AGAP3: variants seen among roughly 807,000 people sequenced by gnomAD.
The protein encoded by AGAP3 is ArfGAP with GTPase domain, ankyrin repeat and PH domain 3.
In AGAP3, 24 loss-of-function variants were observed where a neutral mutation model predicts 96.9. That is an observed-to-expected ratio of 0.25 (90% CI 0.18 to 0.35). AGAP3 has a LOEUF of 0.35. AGAP3 is among the 10% of genes least tolerant of loss of function. The probability of loss-of-function intolerance (pLI) is 1.00; values close to 1 mark genes in which losing one functional copy is unlikely to be tolerated. For missense variants in AGAP3, 876 were observed against 1,254.2 expected (o/e 0.70, Z 4.55); for synonymous variants, 563 against 536.1 (o/e 1.05, Z -0.69).
intron 1 of AGAP3, among the ~76,000 whole-genome samples, chr7:151,112,800 C>CA (rs1172403560): frequency 6.6e-6 from 1 of 152,110 alleles, no homozygotes; most frequent in Non-Finnish European, 1.5e-5. Context: ...CGGGGTTTCA[C>CA]CATGTTGCCC....
At chr7:151,087,173 G>A (rs543963076) in intron 1 of AGAP3, 101 bp downstream of exon 1, 31,769 of 1,316,734 alleles carry the variant, frequency 0.024, 494 homozygotes, top group Non-Finnish European at 0.03. Flanking sequence ...CCCTGTCGGG[G>A]GTCCTTGCGC....
Position 151,143,269 on chromosome 7 carries a change from C to A in AGAP3, c.2274-72C>A. 6.6e-7 allele frequency: 1 copy of A among 1,525,808 alleles called. No individual in the cohort carries two copies. The highest frequency in any genetic ancestry group is 1.3e-5 in the South Asian group (1 of 77,172). The allele number at this position is 1,525,808 out of a possible 1,614,324, so 94.5% of individuals were successfully genotyped here. On this transcript the variant is annotated intron_variant, in intron 16 of 17. Transcript: ENST00000397238. This position sits in a 1 kb window ranked among gnomAD's most constrained non-coding sequence, Gnocchi z 5.9. ...CCCCGGGTGCTCGCTTCCTTTCCTG[C>A]CCACCTTCCTGGCCCCACCCGTTGC... is the stretch of plus-strand genomic sequence containing the variant.
rs1288662509 is a variant in AGAP3, at chr7:151,096,239, A to G, written c.331+9167A>G. Among the ~76,000 whole-genome samples, 1 of 152,212 alleles carries G rather than the reference A, an allele frequency of 6.6e-6. No individual in the cohort carries two copies. Among genetic ancestry groups the G allele is most frequent in the Non-Finnish European group, 1.5e-5 (1 of 68,040 alleles). The stretch of plus-strand genomic sequence containing the variant: ...TGAGGTGAGGGCTGCATGAGATCAC[A>G]GGAATGACCATTTCCGGACCCGAGC... On this transcript the variant is annotated intron_variant, in intron 1 of 17. Coordinates refer to ENST00000397238, the MANE Select transcript of AGAP3 (RefSeq NM_031946.7). The surrounding 1 kb of genome is among the most constrained non-coding windows in gnomAD (Gnocchi z 4.4).
chr7:151,142,975 GC>G lies in AGAP3; in HGVS notation c.2273+346del, dbSNP rs1800879452. On this transcript the variant is annotated intron_variant, in intron 16 of 17. Transcript: ENST00000397238. This position sits in a 1 kb window ranked among gnomAD's most constrained non-coding sequence, Gnocchi z 7.5. ...GGGAGTGTGTGGCCCCCCAGTGCAG[GC>G]CCCCACCCGCTTTGTTCCAGCACTG... 6.6e-6 allele frequency among the ~76,000 whole-genome samples: 1 copy of G among 152,124 alleles called. No individual in the cohort carries two copies. The highest frequency in any genetic ancestry group is 2.4e-5 in the African/African-American group (1 of 41,426).
chr7:151,131,443 G>C lies in AGAP3; in HGVS notation c.1326+2759G>C, dbSNP rs143648199. On this transcript the variant is annotated intron_variant, in intron 10 of 17. Coordinates refer to ENST00000397238, the MANE Select transcript of AGAP3 (RefSeq NM_031946.7). ...GAGGCTGGGGAAGAAATTGCTGTTTGATGGTGGGTAATAAAGGCAGCCGTG... is the reference window on the plus strand; with the variant it reads ...GAGGCTGGGGAAGAAATTGCTGTTTCATGGTGGGTAATAAAGGCAGCCGTG... 9.3e-3 allele frequency among the ~76,000 whole-genome samples: 1,421 copies of C among 152,304 alleles called. 13 individuals carry two copies. Among genetic ancestry groups the C allele is most frequent in the Middle Eastern group, 0.014 (4 of 294 alleles).
chr7:151,121,569 C>T (rs1799893686), intron 8 of AGAP3, among the ~76,000 whole-genome samples: 1 of 152,080 alleles, frequency 6.6e-6, no homozygotes, highest in Non-Finnish European at 1.5e-5. Context: ...GCTACCCTCT[C>T]CTCCGCCCAC....
intron 8 of AGAP3, among the ~76,000 whole-genome samples, chr7:151,121,509 T>C (rs930413434): frequency 6.6e-6 from 1 of 152,050 alleles, no homozygotes; most frequent in Admixed American, 6.5e-5. Flanking sequence ...CTTCCCCTCG[T>C]TGGCAAGCTC....
intron 9 of AGAP3, among the ~76,000 whole-genome samples, chr7:151,126,463 A>C (rs1247029152): frequency 1.3e-4 from 13 of 102,326 alleles, no homozygotes; most frequent in Admixed American, 2.1e-4. Context: ...AGGCTGGGAG[A>C]GGGAAGCACG....
chr7:151,128,958 G>A (rs1451429959), intron 10 of AGAP3, among the ~76,000 whole-genome samples: 1 of 152,212 alleles, frequency 6.6e-6, no homozygotes, highest in Non-Finnish European at 1.5e-5. Context: ...AGAATTTCTG[G>A]TCAGGGATGC....
In AGAP3 at chr7:151,096,417, T is replaced by C. The variant is rs1270055520; in HGVS notation, c.331+9345T>C. On this transcript the variant is annotated intron_variant, in intron 1 of 17. Transcript: ENST00000397238. The surrounding 1 kb of genome is among the most constrained non-coding windows in gnomAD (Gnocchi z 4.4). ...ATGTTTTGCCTGTTGTTTTTTTCTC[T>C]GATTCAGCACTGTGCAGTAGACATG... Among the ~76,000 whole-genome samples the C allele has an allele frequency of 2.6e-5, 4 of 152,112 alleles. No homozygotes were observed. The highest frequency in any genetic ancestry group is 4.4e-5 in the Non-Finnish European group (3 of 68,032).
At chr7:151,129,940 C>T (rs1341626567) in intron 10 of AGAP3, among the ~76,000 whole-genome samples, 1 of 152,222 alleles carries the variant, frequency 6.6e-6, no homozygotes, top group Non-Finnish European at 1.5e-5. Flanking sequence ...CTTTCAGGGC[C>T]ACTCACAGAC....
chr7:151,118,591 G>C lies in AGAP3; in HGVS notation c.928G>C (p.Ala310Pro). 6.2e-7 allele frequency: 1 copy of C among 1,613,960 alleles called. No individual in the cohort carries two copies. The highest frequency in any genetic ancestry group is 8.5e-7 in the Non-Finnish European group (1 of 1,180,030). The stretch of plus-strand genomic sequence containing the variant: ...ACTGCCCAACTCGCCCAGCCACTCG[G>C]CCGTGTCCGCCGCCTCCATCCCGGC... ...KSLPNSPSHS[A>P]VSAASIPAVH... The change falls in exon 7 of 18, where the codon GCC becomes CCC. Residue 310 changes from alanine (A) to proline (P), a missense_variant. Ala to Pro is a conservative substitution (Grantham distance 27, BLOSUM62 -1). Coordinates refer to ENST00000397238, the MANE Select transcript of AGAP3 (RefSeq NM_031946.7). This position sits in a 1 kb window ranked among gnomAD's most constrained non-coding sequence, Gnocchi z 6.1.
At chr7:151,121,290 C>T (rs1322547648) in intron 8 of AGAP3, among the ~76,000 whole-genome samples, 1 of 152,172 alleles carries the variant, frequency 6.6e-6, no homozygotes, top group Non-Finnish European at 1.5e-5. Flanking sequence ...CTGACCCTGC[C>T]TAAATGTGCA....
At chr7:151,098,399 CACATGGG>C (rs1563429907) in intron 1 of AGAP3, among the ~76,000 whole-genome samples, 1 of 151,940 alleles carries the variant, frequency 6.6e-6, no homozygotes, top group Non-Finnish European at 1.5e-5. Flanking sequence ...ACAAAGATAA[CACATGGG>C]ACTGGGTGCC....
chr7:151,115,649 G>T, intron 1 of AGAP3: 1 of 1,165,236 alleles, frequency 8.6e-7, no homozygotes, highest in Non-Finnish European at 1.1e-6. Context: ...GCGGTAAGGG[G>T]GCGGGCCTGG....
At chr7:151,122,439 C>T (rs1799943846) in intron 8 of AGAP3, among the ~76,000 whole-genome samples, 1 of 152,154 alleles carries the variant, frequency 6.6e-6, no homozygotes, top group Non-Finnish European at 1.5e-5. Context: ...TGCCGAGTGG[C>T]GAACATACCA....
intron 1 of AGAP3, among the ~76,000 whole-genome samples, chr7:151,104,511 A>C (rs1182036160): frequency 6.6e-6 from 1 of 152,238 alleles, no homozygotes; most frequent in African/African-American, 2.4e-5. Flanking sequence ...TAGGATCAAG[A>C]CAAATGAAAG....
chr7:151,098,153 G>A (rs1236218259), intron 1 of AGAP3, among the ~76,000 whole-genome samples: 1 of 151,952 alleles, frequency 6.6e-6, no homozygotes, highest in African/African-American at 2.4e-5. Flanking sequence ...GAGGTCAGGA[G>A]TTCAAGACCA....
chr7:151,128,663 C>A lies in AGAP3; in HGVS notation c.1305C>A (p.Leu435=). Residue 435 remains leucine (L), a synonymous_variant, in exon 10 of 18, where the codon CTC becomes CTA. Transcript: ENST00000397238. ...TGACGCTCTGTGACAACGGGCTGCT[C>A]ACCTATCACCCCAGCCTGCATGTGA... ...KYVTLCDNGL[L]TYHPSLHDYM... is the part of the protein sequence containing the mutation. 6.2e-7 allele frequency: 1 copy of A among 1,613,754 alleles called. No homozygotes were observed. Among genetic ancestry groups the A allele is most frequent in the Non-Finnish European group, 8.5e-7 (1 of 1,179,906 alleles).
Sources: allele counts gnomAD v4.1 joint callset (sites outside exome capture counted in the v4.1 genomes callset), GRCh38; gene constraint gnomAD v4.1.1; non-coding constraint Gnocchi (gnomAD v3.1); transcripts MANE v1.5; gene names NCBI Gene and HGNC (gene_info 2026-07-23, HGNC 2026-07-21).